The following BCOR variants were observed in gnomAD, a reference collection of about 807,000 sequenced individuals.
BCOR encodes the protein BCL-6 corepressor.
BCOR carries 10 observed loss-of-function variants against 86.7 expected under a neutral mutation model. The observed-to-expected ratio is 0.12, with a 90% CI of 0.07 to 0.20. The LOEUF is 0.20. BCOR is among the 10% of genes least tolerant of loss of function. BCOR has a pLI of 1.00. For synonymous variants in BCOR, 611 were observed against 609.0 expected (o/e 1.00, Z -0.05); for missense variants, 1,259 against 1,452.1 (o/e 0.87, Z 2.16).
At chrX:40,100,108 ACG>A (rs1937043065), upstream of BCOR, among the ~76,000 whole-genome samples, 1 of 112,740 alleles carries the variant, frequency 8.9e-6, no homozygotes, top group Non-Finnish European at 1.9e-5. Flanking sequence ...ATTAGATTGA[ACG>A]CATGCGAGTT....
At chrX:40,070,574 A>T (rs1935426338) in intron 6 of BCOR, among the ~76,000 whole-genome samples, 1 of 111,722 alleles carries the variant, frequency 9.0e-6, no homozygotes, top group Admixed American at 9.5e-5. Flanking sequence ...TGACTTCACC[A>T]TGTTCATCCT....
chrX:40,107,679 A>C (rs1937217085), intron 1 of BCOR, among the ~76,000 whole-genome samples: 1 of 111,315 alleles, frequency 9.0e-6, no homozygotes, highest in Non-Finnish European at 1.9e-5. Context: ...GCAGGGAGCC[A>C]CTGCCCGCGG....
At chrX:40,159,410 G>T (rs1343142319) in intron 1 of BCOR, among the ~76,000 whole-genome samples, 2 of 112,991 alleles carry the variant, frequency 1.8e-5, no homozygotes, top group Non-Finnish European at 3.7e-5. Context: ...GCACTGGCGC[G>T]ATCTCCGCTC....
At chrX:40,093,281 G>C (rs1020783520) in intron 1 of BCOR, among the ~76,000 whole-genome samples, 3 of 111,764 alleles carry the variant, frequency 2.7e-5, no homozygotes, top group Non-Finnish European at 5.6e-5. Context: ...CTGAGCATTC[G>C]TACTACTTCC....
At chrX:40,056,069 C>T (rs1257314580) in intron 11 of BCOR, among the ~76,000 whole-genome samples, 1 of 109,743 alleles carries the variant, frequency 9.1e-6, no homozygotes, top group Admixed American at 9.8e-5. Context: ...ATCCTCCTGC[C>T]TCGGCCTCCA....
At chrX:40,133,941 A>C (rs1937633830) in intron 1 of BCOR, among the ~76,000 whole-genome samples, 1 of 111,035 alleles carries the variant, frequency 9.0e-6, no homozygotes, top group Non-Finnish European at 1.9e-5. Context: ...GATAAGGCGT[A>C]AAGTCATTTC....
chrX:40,064,173 GT>G (rs1240594108), intron 7 of BCOR, among the ~76,000 whole-genome samples, 162 bp downstream of exon 7: 2 of 111,396 alleles, frequency 1.8e-5, no homozygotes, highest in Non-Finnish European at 3.8e-5. Flanking sequence ...ACGAGGCAGT[GT>G]GGGAATGGAG....
intron 1 of BCOR, among the ~76,000 whole-genome samples, chrX:40,081,135 C>T (rs1936089841): frequency 9.0e-6 from 1 of 111,650 alleles, no homozygotes; most frequent in Non-Finnish European, 1.9e-5. Flanking sequence ...TCTTCGGGTT[C>T]CTGGCCAAAG....
intron 13 of BCOR, 53 bp from the exon 14 acceptor site, chrX:40,054,095 C>T: frequency 8.5e-7 from 1 of 1,173,048 alleles, no homozygotes; most frequent in South Asian, 1.8e-5. Flanking sequence ...AGCAAGATGT[C>T]CACAGTTGTC....
At chrX:40,077,570 T>C (rs1935869686) in intron 2 of BCOR, 1 of 391,100 alleles carries the variant, frequency 2.6e-6, no homozygotes, top group South Asian at 3.6e-5. Flanking sequence ...TAAAGCAGTA[T>C]ATAGACTGGG....
upstream of BCOR, among the ~76,000 whole-genome samples, chrX:40,098,890 C>T (rs1602217396): frequency 8.9e-6 from 1 of 112,214 alleles, no homozygotes. Context: ...CGTGGAGGCA[C>T]CGGGAGGCGT....
At position 40,072,822 on chromosome X, in the gene BCOR, C is replaced by T; in HGVS notation, c.2524G>A (p.Val842Ile). The T allele has an allele frequency of 2.5e-6, 3 of 1,211,972 alleles. No homozygotes were observed. Among genetic ancestry groups the T allele is most frequent in the Non-Finnish European group, 3.3e-6 (3 of 895,560 alleles). The change falls in exon 4 of 15, where the codon GTT becomes ATT. Residue 842 changes from valine to isoleucine, a missense_variant. Coordinates refer to ENST00000378444, the MANE Select transcript of BCOR (RefSeq NM_001123385.2). Reference protein sequence around the residue: ...GQSAEPPKPSVEPALQQHRDF... With the variant: ...GQSAEPPKPSIEPALQQHRDF... ...CGGTGCTGCTGCAGGGCCGGCTCAA[C>T]TGAGGGCTTGGGGGGCTCAGCGCTC...
chrX:40,151,302 G>T (rs150317959), intron 1 of BCOR, among the ~76,000 whole-genome samples: 1,382 of 112,461 alleles, frequency 0.012, 7 homozygotes, highest in South Asian at 0.02. Context: ...CAGGAGGGAG[G>T]GGGGATCTTT....
chrX:40,161,197 G>GT lies in BCOR; in HGVS notation c.-41+15809_-41+15810insA, dbSNP rs1349289382. Reference sequence around the variant, plus strand: ...TAATTTTTGTTTTTTTGTTTTTTGGGGTTTTTTTTTGTTTTTTGGGTTTTT... The same window carrying GT: ...TAATTTTTGTTTTTTTGTTTTTTGGGTGTTTTTTTTTGTTTTTTGGGTTTTT... On this transcript the variant is annotated intron_variant, in intron 1 of 14. Transcript: ENST00000342274. 5.8e-5 allele frequency among the ~76,000 whole-genome samples: 6 copies of GT among 102,604 alleles called. No homozygotes were observed. In the Admixed American group the frequency reaches 6.5e-4, roughly 11 times the overall value. 89.1% of individuals were successfully genotyped at this position (102,604 alleles called of 115,157 possible).
At chrX:40,122,636 C>T (rs994805462) in intron 1 of BCOR, among the ~76,000 whole-genome samples, 3 of 111,847 alleles carry the variant, frequency 2.7e-5, no homozygotes, top group East Asian at 2.8e-4. Context: ...GCTGCCCAGT[C>T]GGCTCCTTCT....
chrX:40,105,559 GC>G (rs971319526), intron 1 of BCOR, among the ~76,000 whole-genome samples: 1 of 111,823 alleles, frequency 8.9e-6, no homozygotes, highest in Non-Finnish European at 1.9e-5. Context: ...CCATAAGCAC[GC>G]CCCCCCGCAC....
intron 1 of BCOR, among the ~76,000 whole-genome samples, chrX:40,084,711 C>A (rs932903279): frequency 2.0e-5 from 2 of 97,963 alleles, no homozygotes; most frequent in African/African-American, 9.5e-5. Flanking sequence ...CCACCCCCCC[C>A]CACCACCACC....
intron 1 of BCOR, among the ~76,000 whole-genome samples, chrX:40,161,506 CTTTTTT>C (rs749528691): frequency 1.8e-5 from 1 of 55,980 alleles, no homozygotes; most frequent in Non-Finnish European, 3.1e-5. Context: ...CGATTCTCCC[CTTTTTT>C]TTTTTTTTTT....
chrX:40,165,968 T>C (rs2148019433), intron 1 of BCOR, among the ~76,000 whole-genome samples: 1 of 111,807 alleles, frequency 8.9e-6, no homozygotes, highest in South Asian at 3.7e-4. Flanking sequence ...TTAAAAACTT[T>C]ATTATCATCT....
Sources: allele counts gnomAD v4.1 joint callset (sites outside exome capture counted in the v4.1 genomes callset), GRCh38; gene constraint gnomAD v4.1.1; transcripts MANE v1.5; gene names NCBI Gene and HGNC (gene_info 2026-07-23, HGNC 2026-07-21).